Variants in HOGA1 observed in about 807,000 individuals in gnomAD.
HOGA1 encodes the protein 4-hydroxy-2-oxoglutarate aldolase 1.
HOGA1 carries 30 observed loss-of-function variants against 34.3 expected under a neutral mutation model. The ratio of observed to expected loss-of-function variants is 0.87; its 90% confidence interval spans 0.65 to 1.19. HOGA1 has a LOEUF of 1.19. HOGA1 is among the 50% of genes most tolerant of loss of function. The pLI, the probability that HOGA1 is intolerant of heterozygous loss-of-function variation, is 0.00. For synonymous variants in HOGA1, 161 were observed against 174.0 expected (o/e 0.93, Z 0.59); for missense variants, 417 against 436.5 (o/e 0.96, Z 0.40).
chr10:97,611,949 G>T lies in HOGA1; in HGVS notation c.*290G>T, dbSNP rs144890621. ...CTTTCTACTGTGGATGCTTTCCTAC[G>T]CCCTGAGGCACATGAAGTCAGAAAG... On this transcript the variant is annotated 3_prime_UTR_variant, in exon 7 of 7. Coordinates refer to ENST00000370646, the MANE Select transcript of HOGA1 (RefSeq NM_138413.4). 2.3e-6 allele frequency: 1 copy of T among 429,752 alleles called. No homozygotes were observed. The highest frequency in any genetic ancestry group is 4.2e-5 in the East Asian group (1 of 23,544). 26.6% of individuals were successfully genotyped at this position (429,752 alleles called of 1,614,324 possible). A position where few individuals can be genotyped will look rare whatever the true frequency, so the allele number is the denominator to read the frequency against.
At chr10:97,591,442 A>G (rs1031248235) in intron 1 of HOGA1, among the ~76,000 whole-genome samples, 7 of 152,016 alleles carry the variant, frequency 4.6e-5, no homozygotes, top group Admixed American at 2.6e-4. Flanking sequence ...ATTTAATTTA[A>G]TTTTAAGTTC....
chr10:97,597,044 G>C (rs1440999529), intron 1 of HOGA1, among the ~76,000 whole-genome samples: 3 of 151,796 alleles, frequency 2.0e-5, no homozygotes, highest in Non-Finnish European at 4.4e-5. Flanking sequence ...TATATGGCAG[G>C]AACTTTGTAT....
chr10:97,588,418 C>T (rs1313769412), intron 1 of HOGA1, among the ~76,000 whole-genome samples: 1 of 151,996 alleles, frequency 6.6e-6, no homozygotes, highest in African/African-American at 2.4e-5. Context: ...ACCGTGTTAG[C>T]CAGGATGGTC....
At chr10:97,607,922 A>G (rs1196327627) in intron 6 of HOGA1, among the ~76,000 whole-genome samples, 1 of 152,218 alleles carries the variant, frequency 6.6e-6, no homozygotes, top group African/African-American at 2.4e-5. Context: ...TACCAAAAAC[A>G]TGATTTATTA....
intron 1 of HOGA1, chr10:97,590,463 C>A: frequency 1.9e-6 from 3 of 1,613,776 alleles, no homozygotes; most frequent in Non-Finnish European, 2.5e-6. Flanking sequence ...CGGGAAAACA[C>A]CATAGCTGGT....
intron 6 of HOGA1, among the ~76,000 whole-genome samples, chr10:97,605,352 AG>A (rs1264133556): frequency 6.6e-6 from 1 of 151,390 alleles, no homozygotes; most frequent in Non-Finnish European, 1.5e-5. Context: ...TTGAGGCTGC[AG>A]TGAGCTGTGA....
At chr10:97,595,929 A>C (rs1351478714) in intron 1 of HOGA1, among the ~76,000 whole-genome samples, 1 of 152,104 alleles carries the variant, frequency 6.6e-6, no homozygotes, top group Non-Finnish European at 1.5e-5. Flanking sequence ...CTGGACATCT[A>C]ACCAGGGTGA....
rs143969587 is a variant in HOGA1, at chr10:97,609,134, G to A, written c.835-2376G>A. Among the ~76,000 whole-genome samples the A allele has an allele frequency of 7.2e-5, 11 of 152,276 alleles. No homozygotes were observed. In the East Asian group the frequency reaches 1.4e-3, roughly 19 times the overall value. Reference sequence around the variant, plus strand: ...AAGAACTTGCAGAAACGAGGGCCCCGTTGGGCACAGGCCGTCCTGCACATA... The same window carrying A: ...AAGAACTTGCAGAAACGAGGGCCCCATTGGGCACAGGCCGTCCTGCACATA... On this transcript the variant is annotated intron_variant, in intron 6 of 6. Coordinates refer to ENST00000370646, the MANE Select transcript of HOGA1 (RefSeq NM_138413.4).
At chr10:97,611,419 C>A in intron 6 of HOGA1, 91 bp from the exon 7 acceptor site, 1 of 1,460,838 alleles carries the variant, frequency 6.8e-7, no homozygotes, top group Non-Finnish European at 9.6e-7. Context: ...GAGGGTAGGA[C>A]TTCAATGTTC....
Position 97,609,813 on chromosome 10 carries a change from G to C in HOGA1, c.835-1697G>C, listed in dbSNP as rs138265527. ...TCTTTCCCACCTACTCAGGCTTTGG[G>C]TAAAAAGGCCAGGCTATTAGAACAT... On this transcript the variant is annotated intron_variant, in intron 6 of 6. Transcript: ENST00000370646. Among the ~76,000 whole-genome samples the C allele has an allele frequency of 1.9e-4, 29 of 152,218 alleles. 1 individual carries two copies. The East Asian group carries it at 5.6e-3, about 29-fold the overall frequency.
chr10:97,584,812 G>C lies in HOGA1; in HGVS notation c.109G>C (p.Gly37Arg), dbSNP rs769193078. The C allele has an allele frequency of 5.0e-6, 8 of 1,613,900 alleles. No homozygotes were observed. Among genetic ancestry groups the C allele is most frequent in the Non-Finnish European group, 2.5e-6 (3 of 1,179,946 alleles). Residue 37 changes from glycine (G) to arginine (R), a missense_variant, in exon 1 of 7, where the codon GGT becomes CGT. Transcript: ENST00000370646. The part of the protein sequence containing the change: ...SGEGKKVDIA[G>R]IYPPVTTPFT... ...GGAGGGGAAGAAGGTGGACATTGCG[G>C]GTATCTACCCCCCTGTGACCACCCC...
Position 97,603,111 on chromosome 10 carries a change from C to T in HOGA1, c.834+1121C>T, listed in dbSNP as rs1014218004. Among the ~76,000 whole-genome samples the T allele has an allele frequency of 6.6e-6, 1 of 152,142 alleles. No individual in the cohort carries two copies. Among genetic ancestry groups the T allele is most frequent in the Non-Finnish European group, 1.5e-5 (1 of 68,024 alleles). On this transcript the variant is annotated intron_variant, in intron 6 of 6. Transcript: ENST00000370646. This position sits in a 1 kb window ranked among gnomAD's most constrained non-coding sequence, Gnocchi z 4.5. ...CCGCCTCCCTGGTGCGAGCAATTCTCCTGTCTCAGCTTCCCTAGTAGCTGG... is the reference window on the plus strand; with the variant it reads ...CCGCCTCCCTGGTGCGAGCAATTCTTCTGTCTCAGCTTCCCTAGTAGCTGG...
At chr10:97,608,722 C>T (rs890629307) in intron 6 of HOGA1, among the ~76,000 whole-genome samples, 13 of 151,920 alleles carry the variant, frequency 8.6e-5, no homozygotes, top group African/African-American at 2.7e-4. Context: ...GGAGAAATCA[C>T]TCGAACTCAG....
At chr10:97,595,294 A>G (rs1358479563) in intron 1 of HOGA1, among the ~76,000 whole-genome samples, 2 of 152,204 alleles carry the variant, frequency 1.3e-5, no homozygotes, top group African/African-American at 4.8e-5. Flanking sequence ...TCCTGATTTA[A>G]GGTTTGAGCA....
Position 97,593,029 on chromosome 10 carries a change from C to CAAAAAAAAAAAAAAAAAAAAAAAAAAAA in HOGA1, c.212-5724_212-5723insAAAAAAAAAAAAAAAAAAAAAAAAAAAA, listed in dbSNP as rs1169191059. ...TGGGCGACAGAGTGAGACTCTGTCT[C>CAAAAAAAAAAAAAAAAAAAAAAAAAAAA]AAAAAAAAAAAAAAAAAAAAAAGAG... is the stretch of plus-strand genomic sequence containing the variant. On this transcript the variant is annotated intron_variant, in intron 1 of 6. Transcript: ENST00000370646. 9.4e-4 allele frequency among the ~76,000 whole-genome samples: 45 copies of CAAAAAAAAAAAAAAAAAAAAAAAAAAAA among 47,788 alleles called. 3 individuals carry two copies. The highest frequency in any genetic ancestry group is 1.4e-3 in the Non-Finnish European group (34 of 24,972). 31.4% of individuals were successfully genotyped at this position (47,788 alleles called of 152,430 possible).
chr10:97,593,048 A>G lies in HOGA1; in HGVS notation c.212-5727A>G, dbSNP rs1001815364. Among the ~76,000 whole-genome samples the G allele has an allele frequency of 2.2e-4, 33 of 151,136 alleles. 1 individual carries two copies. The highest frequency in any genetic ancestry group is 8.4e-4 in the South Asian group (4 of 4,772). ...CTGTCTCAAAAAAAAAAAAAAAAAAAAAAGAGAATGGTCAGATCACTCACT... is the reference window on the plus strand; with the variant it reads ...CTGTCTCAAAAAAAAAAAAAAAAAAGAAAGAGAATGGTCAGATCACTCACT... On this transcript the variant is annotated intron_variant, in intron 1 of 6. Transcript: ENST00000370646.
At chr10:97,596,597 G>A (rs1388681347) in intron 1 of HOGA1, among the ~76,000 whole-genome samples, 1 of 152,040 alleles carries the variant, frequency 6.6e-6, no homozygotes, top group East Asian at 1.9e-4. Flanking sequence ...GCCCTTCCTT[G>A]GGCTGCTAGC....
chr10:97,595,954 G>A (rs2041067811), intron 1 of HOGA1, among the ~76,000 whole-genome samples: 1 of 152,112 alleles, frequency 6.6e-6, no homozygotes, highest in African/African-American at 2.4e-5. Flanking sequence ...GGGGCTCTTT[G>A]GGGTACCCAC....
In HOGA1 at chr10:97,611,714, T is replaced by C. The variant is rs763365957; in HGVS notation, c.*55T>C. Reference sequence around the variant, plus strand: ...CCCATCTCAGCCTCCTGCCTTGCACTTGCAGCCTGAAGCGGAGAGCACAGG... The same window carrying C: ...CCCATCTCAGCCTCCTGCCTTGCACCTGCAGCCTGAAGCGGAGAGCACAGG... On this transcript the variant is annotated 3_prime_UTR_variant, in exon 7 of 7. Coordinates refer to ENST00000370646, the MANE Select transcript of HOGA1 (RefSeq NM_138413.4). 5.2e-4 allele frequency: 818 copies of C among 1,576,952 alleles called. 4 individuals carry two copies. The highest frequency in any genetic ancestry group is 8.7e-5 in the Non-Finnish European group (101 of 1,164,230).
Sources: allele counts gnomAD v4.1 joint callset (sites outside exome capture counted in the v4.1 genomes callset), GRCh38; gene constraint gnomAD v4.1.1; non-coding constraint Gnocchi (gnomAD v3.1); transcripts MANE v1.5; gene names NCBI Gene and HGNC (gene_info 2026-07-23, HGNC 2026-07-21).